Variants in VPS13A observed in about 807,000 individuals in gnomAD.
VPS13A encodes vacuolar protein sorting 13 homolog A.
In VPS13A, 264 loss-of-function variants were observed where a neutral mutation model predicts 390.9. The ratio of observed to expected loss-of-function variants is 0.68; its 90% CI spans 0.61 to 0.75. The LOEUF is 0.75. VPS13A is among the 30% of genes least tolerant of loss of function. The pLI, the probability that VPS13A is intolerant of heterozygous loss-of-function variation, is 0.00. For synonymous variants in VPS13A, 1,231 were observed against 1,227.1 expected (o/e 1.00, Z -0.07); for missense variants, 3,409 against 3,733.9 (o/e 0.91, Z 2.27).
At chr9:77,330,126 T>C (rs1053435788) in intron 45 of VPS13A, among the ~76,000 whole-genome samples, 4 of 151,996 alleles carry the variant, frequency 2.6e-5, no homozygotes, top group Admixed American at 2.6e-4. Flanking sequence ...AATAATCCTC[T>C]CACCTCAGCC....
chr9:77,261,038 C>G (rs1312938215), intron 23 of VPS13A, among the ~76,000 whole-genome samples: 4 of 151,906 alleles, frequency 2.6e-5, no homozygotes, highest in Non-Finnish European at 1.5e-5. Context: ...GCTGGGATTA[C>G]AGGCGCCCGC....
chr9:77,203,373 A>G (rs1213991876), intron 3 of VPS13A, among the ~76,000 whole-genome samples: 2 of 152,238 alleles, frequency 1.3e-5, no homozygotes, highest in South Asian at 2.1e-4. Flanking sequence ...ATTGCAACCT[A>G]TGCCTTCCTG....
rs537080416 is a variant in VPS13A at position 77,325,851 on chromosome 9, AAGTTACT to A, written c.5991+2626_5991+2632del. ...ATGTATGCTAGCCACCCCATAATACAAGTTACTATTTTTCTTAAATGAATTATTTATG... is the reference window on the plus strand; with the variant it reads ...ATGTATGCTAGCCACCCCATAATACAATTTTTCTTAAATGAATTATTTATG... On this transcript the variant is annotated intron_variant, in intron 45 of 71. Transcript: ENST00000360280. 1.8e-4 allele frequency among the ~76,000 whole-genome samples: 27 copies of A among 152,298 alleles called. No individual in the cohort carries two copies. The East Asian group carries it at 2.5e-3, about 14-fold the overall frequency.
chr9:77,372,617 G>A (rs1832840422), intron 67 of VPS13A, among the ~76,000 whole-genome samples: 1 of 152,026 alleles, frequency 6.6e-6, no homozygotes, highest in Non-Finnish European at 1.5e-5. Flanking sequence ...TCAACATAGT[G>A]TCGGAAGTTC....
chr9:77,216,607 A>T (rs1474165918), intron 10 of VPS13A, among the ~76,000 whole-genome samples: 1 of 152,182 alleles, frequency 6.6e-6, no homozygotes, highest in Non-Finnish European at 1.5e-5. Context: ...GAGTTGATGT[A>T]AATTCTCTTC....
intron 27 of VPS13A, among the ~76,000 whole-genome samples, chr9:77,281,620 A>G (rs1233767088): frequency 6.6e-6 from 1 of 152,052 alleles, no homozygotes; most frequent in East Asian, 1.9e-4. Flanking sequence ...AATAATAAGA[A>G]TGATAGTACG....
intron 31 of VPS13A, among the ~76,000 whole-genome samples, chr9:77,285,596 C>T (rs559138430): frequency 6.6e-6 from 1 of 152,248 alleles, no homozygotes; most frequent in Admixed American, 6.5e-5. Flanking sequence ...TAATTATTCT[C>T]AACTTTTCTG....
chr9:77,305,390 A>G (rs1828677613), intron 34 of VPS13A, among the ~76,000 whole-genome samples: 1 of 152,238 alleles, frequency 6.6e-6, no homozygotes, highest in Non-Finnish European at 1.5e-5. Flanking sequence ...AAGTCTATTT[A>G]TATTGGTAAG....
Position 77,278,285 on chromosome 9 carries a change from C to G in VPS13A, c.2825-1874C>G, listed in dbSNP as rs1004038532. ...TATTTTTAGTAGAGACGGGGTTTCA[C>G]CATAGTCTCAATCTCCTGACCTCGT... On this transcript the variant is annotated intron_variant, in intron 26 of 71. Transcript: ENST00000360280. Among the ~76,000 whole-genome samples, 13 of 145,344 alleles carry G rather than the reference C, an allele frequency of 8.9e-5. No individual in the cohort carries two copies. In the East Asian group the frequency reaches 2.0e-3, roughly 23 times the overall value.
rs1823806789 is a variant in VPS13A at position 77,231,103 on chromosome 9, T to C, written c.1595+2839T>C. On this transcript the variant is annotated intron_variant, in intron 17 of 71. Transcript: ENST00000360280. The stretch of plus-strand genomic sequence containing the variant: ...TTGTACCCTGCAACCTTGATGAACT[T>C]GTTTCATTAGTTCAATGAGTTTTTT... Among the ~76,000 whole-genome samples, 6 of 152,148 alleles carry C rather than the reference T, an allele frequency of 3.9e-5. No individual in the cohort carries two copies. The South Asian group carries it at 1.2e-3, about 31-fold the overall frequency.
At chr9:77,384,692 T>A in intron 68 of VPS13A, 1 of 1,594,802 alleles carries the variant, frequency 6.3e-7, no homozygotes, top group Non-Finnish European at 8.5e-7. Context: ...AAAATTCATA[T>A]GTTCTTTATT....
rs1256963213 is a variant in VPS13A, at chr9:77,419,091, T to C, written c.*3085T>C. 1 of 152,186 alleles carries C rather than the reference T, an allele frequency of 6.6e-6. No homozygotes were observed. The highest frequency in any genetic ancestry group is 2.4e-5 in the African/African-American group (1 of 41,452). 9.4% of individuals were successfully genotyped at this position (152,186 alleles called of 1,614,324 possible). A position where few individuals can be genotyped will look rare whatever the true frequency, so the allele number is the denominator to read the frequency against. On this transcript the variant is annotated 3_prime_UTR_variant, in exon 72 of 72. Transcript: ENST00000360280. Reference sequence around the variant, plus strand: ...GTGTACCAAATACATTGACAGTGGATGCTTTCATGGCTCAGCCAACACAGT... The same window carrying C: ...GTGTACCAAATACATTGACAGTGGACGCTTTCATGGCTCAGCCAACACAGT...
intron 14 of VPS13A, 45 bp from the exon 15 acceptor site, chr9:77,226,421 A>C: frequency 2.6e-6 from 4 of 1,558,598 alleles, no homozygotes; most frequent in Non-Finnish European, 3.5e-6. Flanking sequence ...TCAGTTGCTA[A>C]ATAAAGGATA....
chr9:77,229,056 A>G (rs1032719469), intron 17 of VPS13A, among the ~76,000 whole-genome samples: 7 of 151,988 alleles, frequency 4.6e-5, no homozygotes, highest in Non-Finnish European at 8.8e-5. Flanking sequence ...ATCAACTACT[A>G]TCTAATTCTA....
intron 70 of VPS13A, 84 bp from the exon 71 acceptor site, chr9:77,407,449 A>G (rs1215254892): frequency 1.8e-6 from 2 of 1,105,724 alleles, no homozygotes; most frequent in African/African-American, 3.1e-5. Flanking sequence ...CTTTAGGCAT[A>G]CAGTAATAAA....
Position 77,250,086 on chromosome 9 carries a change from T to G in VPS13A, c.2038-11T>G, listed in dbSNP as rs1825070347. ...TTTTGCATAGTCTAAACTATTAAAATTAACTTGAAGGTGACGAGTAAAAGT... is the reference window on the plus strand; with the variant it reads ...TTTTGCATAGTCTAAACTATTAAAAGTAACTTGAAGGTGACGAGTAAAAGT... On this transcript the variant is annotated splice_polypyrimidine_tract_variant and intron_variant, in intron 20 of 71. Coordinates refer to ENST00000360280, the MANE Select transcript of VPS13A (RefSeq NM_033305.3). 6.2e-7 allele frequency: 1 copy of G among 1,613,332 alleles called. No individual in the cohort carries two copies. The highest frequency in any genetic ancestry group is 1.1e-5 in the South Asian group (1 of 91,070).
intron 23 of VPS13A, among the ~76,000 whole-genome samples, chr9:77,270,368 G>C (rs1826276037): frequency 6.6e-6 from 1 of 152,178 alleles, no homozygotes; most frequent in East Asian, 1.9e-4. Context: ...CAAAGATCTT[G>C]GTTAAATTAT....
chr9:77,406,143 GAAAAA>G (rs11325886), intron 70 of VPS13A, among the ~76,000 whole-genome samples, 156 bp downstream of exon 70: 5 of 139,656 alleles, frequency 3.6e-5, no homozygotes, highest in African/African-American at 1.0e-4. Flanking sequence ...AGGCTTAAAG[GAAAAA>G]AAAAAAAAAA....
At position 77,392,723 on chromosome 9, in the gene VPS13A, CACTATATAAAACTATATATA is replaced by C. The variant is rs1221895482; in HGVS notation, c.9190-10472_9190-10453del. ...TCACGTCGTTAAAAAACTATATATA[CACTATATAAAACTATATATA>C]ACTATATAAAACTATATATAACTAT... is the stretch of plus-strand genomic sequence containing the variant. On this transcript the variant is annotated intron_variant, in intron 68 of 71. Coordinates refer to ENST00000360280, the MANE Select transcript of VPS13A (RefSeq NM_033305.3). 3.5e-3 allele frequency among the ~76,000 whole-genome samples: 532 copies of C among 149,936 alleles called. 5 individuals carry two copies. The highest frequency in any genetic ancestry group is 0.021 in the South Asian group (101 of 4,772).
Sources: allele counts gnomAD v4.1 joint callset (sites outside exome capture counted in the v4.1 genomes callset), GRCh38; gene constraint gnomAD v4.1.1; transcripts MANE v1.5; gene names NCBI Gene and HGNC (gene_info 2026-07-23, HGNC 2026-07-21).